The following AMBRA1 variants were observed in gnomAD, a reference collection of about 807,000 sequenced individuals.
The protein encoded by AMBRA1 is autophagy and beclin 1 regulator 1, also known as activating molecule in BECN1-regulated autophagy protein 1.
A neutral mutation model predicts 125.4 loss-of-function variants in AMBRA1; 47 were observed. That is an observed-to-expected ratio of 0.37 (90% CI 0.30 to 0.48). The LOEUF (loss-of-function observed/expected upper bound fraction) is 0.48. Ranked by LOEUF, AMBRA1 falls within the 20% of genes least tolerant of loss-of-function variation. AMBRA1 has a pLI of 0.99. For missense variants in AMBRA1, 1,331 were observed against 1,693.4 expected, an observed-to-expected ratio of 0.79 and a Z score of 3.76; for synonymous variants, 626 against 655.5, an observed-to-expected ratio of 0.95 and a Z score of 0.69.
intron 14 of AMBRA1, among the ~76,000 whole-genome samples, chr11:46,418,672 C>T (rs1946694893): frequency 6.6e-6 from 1 of 152,000 alleles, no homozygotes; most frequent in Non-Finnish European, 1.5e-5. Flanking sequence ...AACAGGATGA[C>T]TCTTAACTCA....
chr11:46,543,445 G>C, intron 6 of AMBRA1, 47 bp from the exon 7 acceptor site: 1 of 1,582,558 alleles, frequency 6.3e-7, no homozygotes, highest in East Asian at 2.2e-5. Flanking sequence ...AAGGCAGTTA[G>C]GTAGAACCTC....
Position 46,573,663 on chromosome 11 carries a change from C to CTT in AMBRA1, c.-121+20163_-121+20164dup, listed in dbSNP as rs142367481. 4.9e-3 allele frequency among the ~76,000 whole-genome samples: 674 copies of CTT among 138,698 alleles called. 3 individuals are homozygous for CTT. The highest frequency in any genetic ancestry group is 0.011 in the African/African-American group (422 of 38,108). 91.0% of individuals were successfully genotyped at this position (138,698 alleles called of 152,430 possible). A position where few individuals can be genotyped will look rare whatever the true frequency, so the allele number is the denominator to read the frequency against. On this transcript the variant is annotated intron_variant, in intron 1 of 17. Coordinates refer to ENST00000683756, the MANE Select transcript of AMBRA1 (RefSeq NM_001387011.1). The stretch of plus-strand genomic sequence containing the variant: ...TTTTTAAAGAAGCAGAATCCTTTTT[C>CTT]TTTTTTTTTTTTTTTATTATACTTT...
chr11:46,476,101 C>T (rs1241498829), intron 11 of AMBRA1, among the ~76,000 whole-genome samples: 1 of 152,134 alleles, frequency 6.6e-6, no homozygotes, highest in Admixed American at 6.6e-5. Flanking sequence ...TGAGTCCACA[C>T]AAACCAAACC....
At chr11:46,464,415 T>C (rs527309028) in intron 11 of AMBRA1, among the ~76,000 whole-genome samples, 1 of 152,148 alleles carries the variant, frequency 6.6e-6, no homozygotes, top group African/African-American at 2.4e-5. Flanking sequence ...ACTATGCACC[T>C]TCCTGAGATG....
At chr11:46,441,969 A>AC (rs1352944544) in intron 12 of AMBRA1, among the ~76,000 whole-genome samples, 2 of 141,580 alleles carry the variant, frequency 1.4e-5, no homozygotes, top group Admixed American at 7.0e-5. Flanking sequence ...AAAAAAAAAA[A>AC]CTTTTTTTTT....
chr11:46,423,455 G>A (rs1201218520), intron 14 of AMBRA1, among the ~76,000 whole-genome samples: 1 of 151,818 alleles, frequency 6.6e-6, no homozygotes. Context: ...GCAGTGGTGC[G>A]ATCTTGGTTC....
At chr11:46,520,395 T>C (rs1213943403) in intron 7 of AMBRA1, among the ~76,000 whole-genome samples, 1 of 152,138 alleles carries the variant, frequency 6.6e-6, no homozygotes, top group Non-Finnish European at 1.5e-5. Context: ...TAGTTTTGAC[T>C]TTGGGGATCC....
intron 1 of AMBRA1, among the ~76,000 whole-genome samples, chr11:46,592,231 G>A (rs2044626817): frequency 6.6e-6 from 1 of 151,400 alleles, no homozygotes; most frequent in East Asian, 2.0e-4. Context: ...CACTGCGCCC[G>A]ACAGGCTGAA....
At chr11:46,421,390 C>T (rs1946845262) in intron 14 of AMBRA1, among the ~76,000 whole-genome samples, 1 of 152,164 alleles carries the variant, frequency 6.6e-6, no homozygotes, top group African/African-American at 2.4e-5. Context: ...TGGCAGGAAG[C>T]CAGAAAATGC....
chr11:46,585,665 CAAAAAAAAAAAAA>C (rs1157368065), intron 1 of AMBRA1, among the ~76,000 whole-genome samples: 2 of 7,598 alleles, frequency 2.6e-4, no homozygotes, highest in Non-Finnish European at 4.2e-4. Flanking sequence ...GACTCCATCT[CAAAAAAAAAAAAA>C]AAAAAAAAAA....
At chr11:46,549,018 A>T (rs2042909731) in intron 1 of AMBRA1, 1 of 151,950 alleles carries the variant, frequency 6.6e-6, no homozygotes, top group African/African-American at 2.4e-5. Context: ...ATTTAGGAGT[A>T]CCTTTCTCAC....
At chr11:46,590,469 GAA>G (rs773903252) in intron 1 of AMBRA1, among the ~76,000 whole-genome samples, 2 of 142,376 alleles carry the variant, frequency 1.4e-5, no homozygotes. Context: ...ATCTCTTCAG[GAA>G]AAAAAAAAAA....
intron 14 of AMBRA1, among the ~76,000 whole-genome samples, chr11:46,425,315 T>C (rs796862862): frequency 9.3e-6 from 1 of 107,046 alleles, no homozygotes; most frequent in African/African-American, 6.4e-5. Flanking sequence ...TCCATTTGTG[T>C]GTGTGTGTGT....
intron 7 of AMBRA1, among the ~76,000 whole-genome samples, chr11:46,538,706 C>T (rs954419471): frequency 6.6e-6 from 1 of 152,146 alleles, no homozygotes; most frequent in African/African-American, 2.4e-5. Context: ...CCATGTTAGC[C>T]AGGCTGGTCT....
At chr11:46,473,934 G>T (rs561065201) in intron 11 of AMBRA1, among the ~76,000 whole-genome samples, 2 of 152,332 alleles carry the variant, frequency 1.3e-5, no homozygotes, top group Admixed American at 1.3e-4. Flanking sequence ...ACAGGCGTGA[G>T]CCACCGCACC....
chr11:46,537,462 AT>A (rs1478050369), intron 7 of AMBRA1, among the ~76,000 whole-genome samples: 1 of 152,152 alleles, frequency 6.6e-6, no homozygotes, highest in Non-Finnish European at 1.5e-5. Context: ...TTAACTTGCC[AT>A]TGAAACCATT....
At chr11:46,548,166 C>T in intron 2 of AMBRA1, 80 bp downstream of exon 2, 1 of 1,578,998 alleles carries the variant, frequency 6.3e-7, no homozygotes, top group Non-Finnish European at 8.7e-7. Flanking sequence ...TATCCCAACT[C>T]TCTGCTGTTA....
chr11:46,410,476 C>T, intron 15 of AMBRA1, 108 bp from the exon 16 acceptor site: 2 of 948,138 alleles, frequency 2.1e-6, no homozygotes, highest in South Asian at 1.4e-5. Flanking sequence ...CCCATCCTTT[C>T]TCTCTCCTGG....
At chr11:46,537,884 A>G (rs941103583) in intron 7 of AMBRA1, among the ~76,000 whole-genome samples, 1 of 152,220 alleles carries the variant, frequency 6.6e-6, no homozygotes, top group Non-Finnish European at 1.5e-5. Context: ...ACCTTTTATG[A>G]ACTCCACTCA....
Sources: gnomAD v4.1 joint callset for allele counts (sites outside exome capture counted in the v4.1 genomes callset) on GRCh38, gnomAD v4.1.1 for gene constraint, MANE v1.5 for transcripts, NCBI Gene and HGNC (gene_info 2026-07-23, HGNC 2026-07-21) for gene names.